The following LINGO2 variants were observed in gnomAD, a reference collection of about 807,000 sequenced individuals.
LINGO2 encodes leucine rich repeat and Ig domain containing 2, also known as leucine-rich repeat and immunoglobulin-like domain-containing nogo receptor-interacting protein 2.
In LINGO2, 14 loss-of-function variants were observed where a neutral mutation model predicts 30.6. The observed-to-expected ratio is 0.46, with a 90% CI of 0.30 to 0.72. The LOEUF (loss-of-function observed/expected upper bound fraction) is 0.72, where lower values mean the gene tolerates loss of function less well. Among genes scored for constraint, LINGO2 ranks in the 30% least tolerant of loss-of-function variants. The pLI is 0.07. For missense variants in LINGO2, 729 were observed against 751.7 expected (o/e 0.97, Z 0.35); for synonymous variants, 317 against 288.5 (o/e 1.10, Z -1.00).
intron 1 of LINGO2, among the ~76,000 whole-genome samples, chr9:28,663,927 C>A (rs545781860): frequency 6.7e-6 from 1 of 150,104 alleles, no homozygotes; most frequent in African/African-American, 2.5e-5. Context: ...AATTATTATA[C>A]CTAAAAAGGC....
At chr9:28,482,136 T>A (rs373174377) in intron 1 of LINGO2, among the ~76,000 whole-genome samples, 1 of 151,838 alleles carries the variant, frequency 6.6e-6, no homozygotes, top group Non-Finnish European at 1.5e-5. Context: ...TGGGTATATA[T>A]CCAGTAATGG....
intron 4 of LINGO2, among the ~76,000 whole-genome samples, chr9:28,117,463 T>C (rs1246420987): frequency 5.9e-5 from 6 of 101,706 alleles, no homozygotes; most frequent in African/African-American, 1.9e-4. Flanking sequence ...CCGGCTGCTT[T>C]GTTTACCTAA....
intron 4 of LINGO2, among the ~76,000 whole-genome samples, chr9:28,227,048 T>C (rs572647723): frequency 6.6e-6 from 1 of 152,226 alleles, no homozygotes; most frequent in East Asian, 1.9e-4. Context: ...ATTGGATTAT[T>C]ATGAAGATTT....
the LINGO2 span, among the ~76,000 whole-genome samples, chr9:29,201,771 A>G: frequency 6.6e-6 from 1 of 152,016 alleles, no homozygotes; most frequent in Admixed American, 6.6e-5. Flanking sequence ...TGAGCACACA[A>G]ATTTATTTTA....
chr9:28,960,650 A>G, the LINGO2 span, among the ~76,000 whole-genome samples: 1 of 56,958 alleles, frequency 1.8e-5, no homozygotes, highest in African/African-American at 4.6e-5. Flanking sequence ...ATATTATTTA[A>G]TTTTTTTGTG....
At chr9:28,265,607 G>A (rs925907035) in intron 4 of LINGO2, among the ~76,000 whole-genome samples, 2 of 151,948 alleles carry the variant, frequency 1.3e-5, no homozygotes, top group Admixed American at 1.3e-4. Flanking sequence ...CATGACACAT[G>A]CAACTTCTCA....
chr9:28,856,622 A>C, the LINGO2 span, among the ~76,000 whole-genome samples: 1 of 152,046 alleles, frequency 6.6e-6, no homozygotes, highest in African/African-American at 2.4e-5. Flanking sequence ...TAATGAATGG[A>C]AAGTAAATCA....
At chr9:28,967,652 C>T in the LINGO2 span, among the ~76,000 whole-genome samples, 1 of 152,060 alleles carries the variant, frequency 6.6e-6, no homozygotes, top group Non-Finnish European at 1.5e-5. Context: ...ACAAGATTGA[C>T]CATTAGTCTG....
At chr9:29,148,579 T>C in the LINGO2 span, among the ~76,000 whole-genome samples, 1 of 152,164 alleles carries the variant, frequency 6.6e-6, no homozygotes, top group Non-Finnish European at 1.5e-5. Context: ...TTACAGCAAA[T>C]ATTTTTATTC....
the LINGO2 span, among the ~76,000 whole-genome samples, chr9:29,166,796 A>G: frequency 2.0e-5 from 3 of 152,224 alleles, no homozygotes; most frequent in Non-Finnish European, 4.4e-5. Flanking sequence ...AATTTATTAT[A>G]GGTACCTTAA....
At chr9:28,098,944 T>C (rs896172445) in intron 4 of LINGO2, among the ~76,000 whole-genome samples, 1 of 152,132 alleles carries the variant, frequency 6.6e-6, no homozygotes, top group Non-Finnish European at 1.5e-5. Context: ...TCAGTTAGGC[T>C]TTTTGGCTGG....
At chr9:29,052,236 A>T in the LINGO2 span, among the ~76,000 whole-genome samples, 56 of 152,188 alleles carry the variant, frequency 3.7e-4, no homozygotes, top group Admixed American at 2.2e-3. Context: ...TATTCTTTTC[A>T]ATACTGACCT....
chr9:28,589,707 G>A lies in LINGO2; in HGVS notation c.-365+80493C>T, dbSNP rs371213044. Among the ~76,000 whole-genome samples, 21 of 151,956 alleles carry A rather than the reference G, an allele frequency of 1.4e-4. No homozygotes were observed. In the South Asian group the frequency reaches 2.1e-3, roughly 15 times the overall value. On this transcript the variant is annotated intron_variant, in intron 1 of 5. Transcript: ENST00000379992. ...CTCATGGGTAGGAAGAATCAATATCGTGAAAATGGCCATACTGCCCAAGGT... is the reference window on the plus strand; with the variant it reads ...CTCATGGGTAGGAAGAATCAATATCATGAAAATGGCCATACTGCCCAAGGT...
chr9:28,504,081 A>G (rs543080190), intron 1 of LINGO2, among the ~76,000 whole-genome samples: 1 of 152,026 alleles, frequency 6.6e-6, no homozygotes, highest in South Asian at 2.1e-4. Flanking sequence ...CCTACGGTTC[A>G]CTAATCTATT....
intron 4 of LINGO2, among the ~76,000 whole-genome samples, chr9:28,204,624 C>T (rs1030613927): frequency 2.0e-5 from 3 of 152,044 alleles, no homozygotes; most frequent in Non-Finnish European, 2.9e-5. Flanking sequence ...AGTTCCAGAA[C>T]CTAGACTGAG....
the LINGO2 span, among the ~76,000 whole-genome samples, chr9:28,986,621 G>T: frequency 6.6e-6 from 1 of 151,866 alleles, no homozygotes; most frequent in African/African-American, 2.4e-5. Context: ...AAGAACAGAT[G>T]TTCTTCGACA....
chr9:28,537,110 C>A (rs1411610115), intron 1 of LINGO2, among the ~76,000 whole-genome samples: 1 of 152,050 alleles, frequency 6.6e-6, no homozygotes, highest in Non-Finnish European at 1.5e-5. Context: ...AGACCATATA[C>A]TCCAAAGATT....
the LINGO2 span, among the ~76,000 whole-genome samples, chr9:28,952,034 G>T: frequency 6.6e-6 from 1 of 151,918 alleles, no homozygotes; most frequent in Non-Finnish European, 1.5e-5. Flanking sequence ...TATTAAAAAG[G>T]GTCTCTGACA....
chr9:28,759,334 T>G, the LINGO2 span, among the ~76,000 whole-genome samples: 1 of 151,934 alleles, frequency 6.6e-6, no homozygotes, highest in Non-Finnish European at 1.5e-5. Context: ...GATTTGAAAA[T>G]GAAGGACAAA....
Sources: gnomAD v4.1 joint callset for allele counts (sites outside exome capture counted in the v4.1 genomes callset) on GRCh38, gnomAD v4.1.1 for gene constraint, MANE v1.5 for transcripts, NCBI Gene and HGNC (gene_info 2026-07-23, HGNC 2026-07-21) for gene names.